ATG2B: variants seen among roughly 807,000 people sequenced by gnomAD.
The protein encoded by ATG2B is autophagy-related protein 2 homolog B.
A neutral mutation model predicts 241.3 loss-of-function variants in ATG2B; 121 were observed. The ratio of observed to expected loss-of-function variants is 0.50; its 90% CI spans 0.43 to 0.58. The LOEUF is 0.58. ATG2B is among the 20% of genes least tolerant of loss of function. The pLI is 0.00. For synonymous variants in ATG2B, 858 were observed against 876.6 expected (o/e 0.98, Z 0.37); for missense variants, 2,306 against 2,491.6 (o/e 0.93, Z 1.59).
rs559620241 is a variant in ATG2B at position 96,348,827 on chromosome 14, C to G, written c.163-1486G>C. ...TGAGGTGATGCATACCCCTTTTACC[C>G]TGATGTAATTATTAGGCATTGTATG... On this transcript the variant is annotated intron_variant, in intron 1 of 41. Transcript: ENST00000359933. 2.9e-4 allele frequency among the ~76,000 whole-genome samples: 44 copies of G among 152,220 alleles called. No individual in the cohort carries two copies. In the Middle Eastern group the frequency reaches 0.014, roughly 47 times the overall value.
chr14:96,334,200 C>T (rs895608008), intron 7 of ATG2B, among the ~76,000 whole-genome samples: 1 of 152,162 alleles, frequency 6.6e-6, no homozygotes, highest in African/African-American at 2.4e-5. Context: ...AAGAATGTGA[C>T]ACACATAATC....
At chr14:96,349,230 A>G (rs1888249951) in intron 1 of ATG2B, among the ~76,000 whole-genome samples, 1 of 152,238 alleles carries the variant, frequency 6.6e-6, no homozygotes, top group Non-Finnish European at 1.5e-5. Flanking sequence ...ATGCAGGCAT[A>G]TTTGATACAT....
At position 96,305,682 on chromosome 14, in the gene ATG2B, C is replaced by A; in HGVS notation, c.4640G>T (p.Arg1547Leu). Residue 1547 changes from arginine to leucine, a missense_variant, in exon 31 of 42, where the codon CGC becomes CTC. Arg to Leu is a moderately radical substitution (Grantham distance 102). This residue lies in a region of ATG2B where 1,927 missense variants were observed against 2,011.2 expected (regional missense o/e 0.96). Coordinates refer to ENST00000359933, the MANE Select transcript of ATG2B (RefSeq NM_018036.7). The part of the protein sequence containing the change: ...APLHFPIPVI[R>L]YVVKEVSLVW... ...AAGAGAGACCTCCTTCACCACATAGCGAATCACAGGAATGGGAAAGTGTAA... is the reference window on the plus strand; with the variant it reads ...AAGAGAGACCTCCTTCACCACATAGAGAATCACAGGAATGGGAAAGTGTAA... 1 of 1,614,106 alleles carries A rather than the reference C, an allele frequency of 6.2e-7. No homozygotes were observed. The highest frequency in any genetic ancestry group is 8.5e-7 in the Non-Finnish European group (1 of 1,180,006).
rs763751879 is a variant in ATG2B at position 96,295,033 on chromosome 14, C to T, written c.5353G>A (p.Val1785Met). 6.2e-7 allele frequency: 1 copy of T among 1,614,232 alleles called. No individual in the cohort carries two copies. Among genetic ancestry groups the T allele is most frequent in the Non-Finnish European group, 8.5e-7 (1 of 1,180,044 alleles). The part of the protein sequence containing the change: ...SQNDSANSVE[V>M]VNGMEEKNFS... ...TTCTTCTCTTCCATGCCATTAACCA[C>T]TTCCACTGAATTGGCACTATCATTT... The change falls in exon 36 of 42, where the codon GTG becomes ATG. Residue 1785 changes from valine to methionine, a missense_variant. Val to Met is a conservative substitution (Grantham distance 21). Transcript: ENST00000359933.
At chr14:96,308,207 TATAAATACATAA>T (rs1299094283) in intron 29 of ATG2B, among the ~76,000 whole-genome samples, 2 of 126,070 alleles carry the variant, frequency 1.6e-5, no homozygotes, top group East Asian at 4.4e-4. Flanking sequence ...TACATATATA[TATAAATACATAA>T]ATATATATAT....
intron 1 of ATG2B, among the ~76,000 whole-genome samples, chr14:96,358,947 G>A (rs891432879): frequency 6.6e-6 from 1 of 152,186 alleles, no homozygotes; most frequent in African/African-American, 2.4e-5. Context: ...CAGAAAAAGT[G>A]AAGGTAACAC....
At position 96,295,046 on chromosome 14, in the gene ATG2B, G is replaced by A. The variant is rs1198134011; in HGVS notation, c.5340C>T (p.Ala1780=). Residue 1780 remains alanine (A), a synonymous_variant, in exon 36 of 42, where the codon GCC becomes GCT. Coordinates refer to ENST00000359933, the MANE Select transcript of ATG2B (RefSeq NM_018036.7). The part of the protein sequence containing the change: ...GPKQPSQNDS[A]NSVEVVNGME... ...TGCCATTAACCACTTCCACTGAATT[G>A]GCACTATCATTTTGGGAAGGCTGTT... The A allele has an allele frequency of 1.2e-6, 2 of 1,614,188 alleles. No homozygotes were observed. Among genetic ancestry groups the A allele is most frequent in the South Asian group, 2.2e-5 (2 of 91,084 alleles).
intron 14 of ATG2B, among the ~76,000 whole-genome samples, chr14:96,326,149 T>TA (rs761993658): frequency 6.6e-6 from 1 of 152,052 alleles, no homozygotes; most frequent in Non-Finnish European, 1.5e-5. Flanking sequence ...AACTCTGAAA[T>TA]AAAAAATTAA....
intron 34 of ATG2B, among the ~76,000 whole-genome samples, 167 bp from the exon 35 acceptor site, chr14:96,295,727 C>CACACACACACACA (rs148889627): frequency 6.9e-6 from 1 of 145,756 alleles, no homozygotes; most frequent in Non-Finnish European, 1.5e-5. Flanking sequence ...CTTCCCCCCA[C>CACACACACACACA]CACACACACA....
At chr14:96,287,145 C>T (rs1477250988) in intron 41 of ATG2B, among the ~76,000 whole-genome samples, 1 of 147,712 alleles carries the variant, frequency 6.8e-6, no homozygotes, top group Non-Finnish European at 1.5e-5. Flanking sequence ...GTCCCAGCTA[C>T]TTGGGAGGCT....
Position 96,316,607 on chromosome 14 carries a change from A to C in ATG2B, c.3287T>G (p.Val1096Gly), listed in dbSNP as rs1374851565. 1.9e-5 allele frequency: 30 copies of C among 1,612,814 alleles called. No homozygotes were observed. The highest frequency in any genetic ancestry group is 2.7e-5 in the African/African-American group (2 of 74,908). Reference sequence around the variant, plus strand: ...GTCATCAAAACCTTCATATTTTGTCACACAAAATAATGAACCACTATTGAA... The same window carrying C: ...GTCATCAAAACCTTCATATTTTGTCCCACAAAATAATGAACCACTATTGAA... ...LEFNSGSLFC[V>G]TKYEGFDDKH... Residue 1096 changes from valine (V) to glycine (G), a missense_variant, in exon 21 of 42, where the codon GTG becomes GGG. Val to Gly is a moderately radical substitution (Grantham distance 109). This residue lies in a region of ATG2B where 1,927 missense variants were observed against 2,011.2 expected (regional missense o/e 0.96). Transcript: ENST00000359933.
In ATG2B at chr14:96,329,016, T is replaced by C. The variant is rs145920489; in HGVS notation, c.1882-250A>G. Among the ~76,000 whole-genome samples the C allele has an allele frequency of 3.3e-4, 50 of 151,630 alleles. 1 individual carries two copies. In the East Asian group the frequency reaches 9.1e-3, roughly 28 times the overall value. ...TTTTGAAATAAAACACTATAAAGGG[T>C]CAAAGTAACAGCAATGAACATAACT... On this transcript the variant is annotated intron_variant, in intron 12 of 41. Transcript: ENST00000359933.
intron 1 of ATG2B, among the ~76,000 whole-genome samples, chr14:96,354,489 T>G (rs538070157): frequency 2.0e-4 from 30 of 152,376 alleles, no homozygotes; most frequent in Admixed American, 1.6e-3. Context: ...TAGTCCACTG[T>G]GTGTATGTAT....
intron 4 of ATG2B, 98 bp downstream of exon 4, chr14:96,344,555 AT>A (rs1476916842): frequency 1.9e-6 from 1 of 528,806 alleles, no homozygotes; most frequent in Admixed American, 3.7e-5. Context: ...AAATTATGCA[AT>A]ATTTTCATAT....
rs1347926077 is a variant in ATG2B at position 96,303,138 on chromosome 14, A to G, written c.4960T>C (p.Leu1654=). Residue 1654 remains leucine, a synonymous_variant, in exon 33 of 42, where the codon TTG becomes CTG. Coordinates refer to ENST00000359933, the MANE Select transcript of ATG2B (RefSeq NM_018036.7). ...AATTTATTCATTTGTGATGTTGCCA[A>G]ACGATCTCGAATCTCAAGATCCTGA... ...IVQDLEIRDR[L]ATSQMNKFLY... 6.2e-7 allele frequency: 1 copy of G among 1,613,248 alleles called. No homozygotes were observed. Among genetic ancestry groups the G allele is most frequent in the South Asian group, 1.1e-5 (1 of 90,850 alleles).
chr14:96,341,090 T>G (rs1888022533), intron 6 of ATG2B, among the ~76,000 whole-genome samples: 3 of 152,118 alleles, frequency 2.0e-5, no homozygotes. Flanking sequence ...GGTAGATATT[T>G]TTACATACAT....
chr14:96,358,856 T>C (rs1433254855), intron 1 of ATG2B, among the ~76,000 whole-genome samples: 3 of 152,088 alleles, frequency 2.0e-5, no homozygotes, highest in South Asian at 4.1e-4. Flanking sequence ...TGCCCCACCA[T>C]AGAGTCCTTT....
intron 38 of ATG2B, 133 bp from the exon 39 acceptor site, chr14:96,291,068 G>A (rs1886471398): frequency 2.8e-6 from 2 of 710,394 alleles, no homozygotes; most frequent in East Asian, 2.9e-5. Context: ...TTCAAAAACA[G>A]GTAACATTTT....
rs1200063788 is a variant in ATG2B, at chr14:96,291,682, C to A, written c.5497G>T (p.Gly1833Cys). The A allele has an allele frequency of 6.2e-7, 1 of 1,600,752 alleles. No homozygotes were observed. The highest frequency in any genetic ancestry group is 2.2e-5 in the East Asian group (1 of 44,680). The stretch of plus-strand genomic sequence containing the variant: ...CCAATCAAAATCCCAGCTAGCGTAC[C>A]CTTCAAAATTAAAAAAGGCCAAATT... ...YHGKHVSMDQ[G>C]TLAGILIGLA... Residue 1833 changes from glycine (G) to cysteine (C), a missense_variant and splice_region_variant, in exon 38 of 42, where the codon GGT becomes TGT. This residue lies in a region of ATG2B where 379 missense variants were observed against 480.4 expected (regional missense o/e 0.79). Transcript: ENST00000359933.
Sources: allele counts gnomAD v4.1 joint callset (sites outside exome capture counted in the v4.1 genomes callset), GRCh38; gene constraint gnomAD v4.1.1; regional missense constraint gnomAD v4.1.1; transcripts MANE v1.5; gene names NCBI Gene and HGNC (gene_info 2026-07-23, HGNC 2026-07-21).